Variants in SH3PXD2A observed in about 807,000 individuals in gnomAD.
The protein encoded by SH3PXD2A is SH3 and PX domains 2A, also known as SH3 and PX domain-containing protein 2A.
SH3PXD2A carries 32 observed loss-of-function variants against 115.2 expected under a neutral mutation model. The observed-to-expected ratio is 0.28, with a 90% CI of 0.21 to 0.37. The LOEUF (loss-of-function observed/expected upper bound fraction) is 0.37. SH3PXD2A is among the 10% of genes least tolerant of loss of function. The pLI is 1.00. For missense variants in SH3PXD2A, 1,328 were observed against 1,498.7 expected, an observed-to-expected ratio of 0.89 and a Z score of 1.88; for synonymous variants, 610 against 629.1, an observed-to-expected ratio of 0.97 and a Z score of 0.45.
intron 1 of SH3PXD2A, among the ~76,000 whole-genome samples, chr10:103,833,997 G>A (rs2039506555): frequency 6.6e-6 from 1 of 152,142 alleles, no homozygotes; most frequent in African/African-American, 2.4e-5. Context: ...TAAAGGCTCT[G>A]CCCAGTTTCC....
intron 1 of SH3PXD2A, among the ~76,000 whole-genome samples, chr10:103,836,553 G>C (rs2039542935): frequency 6.8e-6 from 1 of 146,866 alleles, no homozygotes; most frequent in African/African-American, 2.5e-5. Flanking sequence ...CTCATATACA[G>C]ACACATCCAT....
chr10:103,836,990 G>A (rs959556422), intron 1 of SH3PXD2A, among the ~76,000 whole-genome samples: 3 of 152,164 alleles, frequency 2.0e-5, no homozygotes, highest in South Asian at 2.1e-4. Context: ...GACGGATGAA[G>A]ATATTAGATT....
chr10:103,603,327 C>T lies in SH3PXD2A; in HGVS notation c.1891G>A (p.Asp631Asn). The change falls in exon 15 of 15, where the codon GAC becomes AAC. Residue 631 changes from aspartate (D) to asparagine (N), a missense_variant. Asp to Asn is a conservative substitution (Grantham distance 23). Transcript: ENST00000369774. ...ENEGFRPYAE[D>N]TLSARGSSGD... ...GAGGAGCCTCTGGCTGACAGGGTGT[C>T]CTCTGCATATGGCCGGAAGCCCTCA... is the stretch of plus-strand genomic sequence containing the variant. 1 of 1,614,152 alleles carries T rather than the reference C, an allele frequency of 6.2e-7. No homozygotes were observed. Among genetic ancestry groups the T allele is most frequent in the Non-Finnish European group, 8.5e-7 (1 of 1,180,026 alleles).
At chr10:103,688,286 C>T (rs1287523995) in intron 6 of SH3PXD2A, among the ~76,000 whole-genome samples, 2 of 152,232 alleles carry the variant, frequency 1.3e-5, no homozygotes, top group Non-Finnish European at 2.9e-5. Context: ...TGAGCCTGCA[C>T]AAGGTTCACT....
chr10:103,853,104 GC>G (rs1400332361), intron 1 of SH3PXD2A, among the ~76,000 whole-genome samples: 1 of 152,008 alleles, frequency 6.6e-6, no homozygotes, highest in Non-Finnish European at 1.5e-5. Flanking sequence ...ATCACTCCCT[GC>G]CCCCCCAAAC....
chr10:103,718,380 G>A (rs1014696497), intron 5 of SH3PXD2A, among the ~76,000 whole-genome samples: 1 of 152,182 alleles, frequency 6.6e-6, no homozygotes, highest in African/African-American at 2.4e-5. Flanking sequence ...ATCCCAAGCT[G>A]TCACATGGCT....
intron 10 of SH3PXD2A, among the ~76,000 whole-genome samples, chr10:103,619,097 T>C (rs1281403026): frequency 6.6e-6 from 1 of 152,248 alleles, no homozygotes; most frequent in Non-Finnish European, 1.5e-5. Flanking sequence ...CGCCCTTCTC[T>C]GCTGCAGAAC....
At chr10:103,753,515 A>AG (rs1589441830) in intron 3 of SH3PXD2A, among the ~76,000 whole-genome samples, 1 of 150,394 alleles carries the variant, frequency 6.6e-6, no homozygotes, top group African/African-American at 2.4e-5. Flanking sequence ...AAAAAAAAAA[A>AG]AAAGAATAGT....
chr10:103,735,653 T>C (rs1006278886), intron 4 of SH3PXD2A, 79 bp downstream of exon 4: 1 of 1,111,300 alleles, frequency 9.0e-7, no homozygotes, highest in Non-Finnish European at 1.4e-6. Context: ...TCCTCACAGA[T>C]GGACACTCAG....
intron 2 of SH3PXD2A, among the ~76,000 whole-genome samples, chr10:103,794,199 G>T (rs1239498642): frequency 6.6e-6 from 1 of 152,180 alleles, no homozygotes; most frequent in Non-Finnish European, 1.5e-5. Flanking sequence ...TGGGTGGAGA[G>T]TCTGGAGAGA....
At chr10:103,632,714 A>T (rs2036798766) in intron 8 of SH3PXD2A, among the ~76,000 whole-genome samples, 1 of 152,120 alleles carries the variant, frequency 6.6e-6, no homozygotes, top group Non-Finnish European at 1.5e-5. Flanking sequence ...GGTGGCTCAC[A>T]CCTGTAATCC....
At chr10:103,782,783 GC>G (rs2038943238) in intron 2 of SH3PXD2A, among the ~76,000 whole-genome samples, 2 of 135,260 alleles carry the variant, frequency 1.5e-5, no homozygotes, top group African/African-American at 2.9e-5. Context: ...GATGGCTTGA[GC>G]CCAGGAGTTC....
At chr10:103,612,314 A>T (rs1047589733) in intron 12 of SH3PXD2A, among the ~76,000 whole-genome samples, 5 of 152,092 alleles carry the variant, frequency 3.3e-5, no homozygotes, top group African/African-American at 9.7e-5. Context: ...CTTAGCTCCC[A>T]AGTCTCTTAG....
intron 2 of SH3PXD2A, among the ~76,000 whole-genome samples, chr10:103,771,690 G>C (rs976110238): frequency 2.0e-5 from 3 of 151,780 alleles, no homozygotes; most frequent in Non-Finnish European, 2.9e-5. Flanking sequence ...AGCCAAGATC[G>C]TGCCACTGCA....
chr10:103,644,975 C>T (rs2037014195), intron 8 of SH3PXD2A, among the ~76,000 whole-genome samples: 1 of 152,114 alleles, frequency 6.6e-6, no homozygotes, highest in Non-Finnish European at 1.5e-5. Context: ...CAGCAGGGTT[C>T]AGAAGCCCCC....
Position 103,855,261 on chromosome 10 carries a change from G to C in SH3PXD2A, c.6C>G (p.Leu2=). 1 of 1,519,228 alleles carries C rather than the reference G, an allele frequency of 6.6e-7. No homozygotes were observed. Among genetic ancestry groups the C allele is most frequent in the Admixed American group, 2.1e-5 (1 of 46,988 alleles). The allele number at this position is 1,519,228 out of a possible 1,614,324, so 94.1% of individuals were successfully genotyped here. ...CGGTGGCATCCTGCACGCAGTAGGCGAGCATCTTCCCCCACAAAGCGAGTG... is the reference window on the plus strand; with the variant it reads ...CGGTGGCATCCTGCACGCAGTAGGCCAGCATCTTCCCCCACAAAGCGAGTG... M[L]AYCVQDATVV... The change falls in exon 1 of 15, where the codon CTC becomes CTG. Residue 2 remains leucine (L), a synonymous_variant. Coordinates refer to ENST00000369774, the MANE Select transcript of SH3PXD2A (RefSeq NM_001394015.1).
intron 2 of SH3PXD2A, among the ~76,000 whole-genome samples, chr10:103,772,238 G>A (rs1426445833): frequency 6.6e-6 from 1 of 152,168 alleles, no homozygotes; most frequent in Non-Finnish European, 1.5e-5. Flanking sequence ...GGCCAGGCAG[G>A]CTGCAAAGCG....
intron 5 of SH3PXD2A, among the ~76,000 whole-genome samples, chr10:103,722,299 G>A (rs1314640358): frequency 1.7e-5 from 2 of 118,474 alleles, no homozygotes; most frequent in Non-Finnish European, 3.3e-5. Flanking sequence ...GCGAGACTCT[G>A]TCTCAAAAAA....
intron 8 of SH3PXD2A, among the ~76,000 whole-genome samples, chr10:103,633,248 T>C (rs1428591843): frequency 4.6e-5 from 7 of 152,106 alleles, no homozygotes; most frequent in South Asian, 4.1e-4. Flanking sequence ...AAACCCTGTC[T>C]CTACTAAAAA....
Sources: gnomAD v4.1 joint callset for allele counts (sites outside exome capture counted in the v4.1 genomes callset) on GRCh38, gnomAD v4.1.1 for gene constraint, MANE v1.5 for transcripts, NCBI Gene and HGNC (gene_info 2026-07-23, HGNC 2026-07-21) for gene names.